The following HECW1 variants were observed in gnomAD, a reference collection of about 807,000 sequenced individuals.
HECW1 encodes the protein HECT, C2 and WW domain containing E3 ubiquitin protein ligase 1.
Under a neutral mutation model 182.3 loss-of-function variants are expected in HECW1, and 61 were observed. That is an observed-to-expected ratio of 0.33 (90% CI 0.27 to 0.41). The LOEUF (loss-of-function observed/expected upper bound fraction) is 0.41. Ranked by LOEUF, HECW1 falls within the 10% of genes least tolerant of loss-of-function variation. The probability of loss-of-function intolerance (pLI) is 1.00; values close to 1 mark genes in which losing one functional copy is unlikely to be tolerated. For missense variants in HECW1, 1,739 were observed against 2,108.9 expected (o/e 0.82, Z 3.44); for synonymous variants, 859 against 832.6 (o/e 1.03, Z -0.55).
In HECW1 at chr7:43,554,662, G is replaced by T. The variant is rs1243218355; in HGVS notation, c.4581G>T (p.Arg1527Ser). Residue 1527 changes from arginine to serine, a missense_variant, in exon 29 of 30, where the codon AGG becomes AGT. This residue lies in a region of HECW1 where 420 missense variants were observed against 595.7 expected (regional missense o/e 0.71). Transcript: ENST00000395891. ...AAVERFNNEQ[R>S]LRLLQFVTGT... ...TGGAGCGCTTCAATAATGAGCAGAG[G>T]CTGAGATTACTGCAGTTTGTCACGG... 1.2e-6 allele frequency: 2 copies of T among 1,613,994 alleles called. No homozygotes were observed. The highest frequency in any genetic ancestry group is 1.7e-5 in the Admixed American group (1 of 60,010).
At chr7:43,494,515 T>G (rs973925828) in intron 19 of HECW1, among the ~76,000 whole-genome samples, 8 of 151,998 alleles carry the variant, frequency 5.3e-5, no homozygotes, top group Admixed American at 2.0e-4. Context: ...GATTTTTTTT[T>G]TTTTTTGAGA....
rs1056572881 is a variant in HECW1, at chr7:43,565,276, CAT to C, written c.*3353_*3354del. ...TGGTGAAAAAATTAAGAAAAAGAGA[CAT>C]ATGATTTGGGGGAGCAGGCGTTAAA... On this transcript the variant is annotated 3_prime_UTR_variant, in exon 30 of 30. Coordinates refer to ENST00000395891, the MANE Select transcript of HECW1 (RefSeq NM_015052.5). 7.3e-5 allele frequency: 15 copies of C among 206,538 alleles called. No individual in the cohort carries two copies. Among genetic ancestry groups the C allele is most frequent in the Non-Finnish European group, 1.3e-4 (13 of 101,084 alleles). The allele number at this position is 206,538 out of a possible 1,614,324, so 12.8% of individuals were successfully genotyped here.
chr7:43,330,119 A>G (rs560779319), intron 5 of HECW1, among the ~76,000 whole-genome samples: 2 of 152,296 alleles, frequency 1.3e-5, no homozygotes, highest in African/African-American at 4.8e-5. Context: ...GGCGGGGTCC[A>G]TGTCGCCTCC....
intron 3 of HECW1, among the ~76,000 whole-genome samples, chr7:43,294,128 C>G (rs758537240): frequency 6.6e-6 from 1 of 152,230 alleles, no homozygotes; most frequent in Non-Finnish European, 1.5e-5. Flanking sequence ...GGGGCAAACT[C>G]TCATGTGCAT....
chr7:43,236,675 A>G (rs1374309175), intron 2 of HECW1, among the ~76,000 whole-genome samples: 1 of 152,146 alleles, frequency 6.6e-6, no homozygotes, highest in African/African-American at 2.4e-5. Context: ...ATTTTTACAT[A>G]AACAGTAGGG....
chr7:43,230,329 G>A (rs1368136141), intron 2 of HECW1, among the ~76,000 whole-genome samples: 2 of 152,322 alleles, frequency 1.3e-5, no homozygotes, highest in African/African-American at 4.8e-5. Flanking sequence ...TGGAGGCAGA[G>A]GTTGCAATGA....
chr7:43,365,200 C>T (rs776255804), intron 6 of HECW1, among the ~76,000 whole-genome samples: 1 of 152,242 alleles, frequency 6.6e-6, no homozygotes, highest in Admixed American at 6.5e-5. Flanking sequence ...GACTCTGATG[C>T]AGTCTGAAGC....
At chr7:43,254,427 G>T (rs965898067) in intron 3 of HECW1, among the ~76,000 whole-genome samples, 2 of 152,218 alleles carry the variant, frequency 1.3e-5, no homozygotes, top group African/African-American at 4.8e-5. Context: ...TTAATTTTAT[G>T]AAATAATGCC....
At chr7:43,292,628 G>A (rs1011517100) in intron 3 of HECW1, among the ~76,000 whole-genome samples, 1 of 152,220 alleles carries the variant, frequency 6.6e-6, no homozygotes, top group Non-Finnish European at 1.5e-5. Flanking sequence ...CAAGGTGTGA[G>A]GAGAGGAGGA....
chr7:43,145,914 G>C (rs576438716), intron 2 of HECW1, among the ~76,000 whole-genome samples: 1 of 152,162 alleles, frequency 6.6e-6, no homozygotes, highest in Non-Finnish European at 1.5e-5. Context: ...CTTGCTGAAC[G>C]GTGTTGGTTT....
Position 43,500,742 on chromosome 7 carries a change from G to C in HECW1, c.3481G>C (p.Glu1161Gln), listed in dbSNP as rs2079315606. 6.2e-7 allele frequency: 1 copy of C among 1,613,786 alleles called. No individual in the cohort carries two copies. The highest frequency in any genetic ancestry group is 1.3e-5 in the African/African-American group (1 of 74,912). ...YIRTEGNHGL[E>Q]KLSCDADLVI... ...TCGGACTGAGGGTAATCACGGGCTT[G>C]AGAAGTTGTCCTGTGATGCGGATCT... The change falls in exon 20 of 30, where the codon GAG becomes CAG. Residue 1161 changes from glutamate to glutamine, a missense_variant. Physicochemically the swap from Glu to Gln is conservative, Grantham distance 29. Around this residue, in one of 5 missense-constraint regions of HECW1, gnomAD observed 420 missense variants for 595.7 expected, o/e 0.71. Coordinates refer to ENST00000395891, the MANE Select transcript of HECW1 (RefSeq NM_015052.5).
At chr7:43,123,865 C>G (rs958665624) in intron 2 of HECW1, among the ~76,000 whole-genome samples, 1 of 152,190 alleles carries the variant, frequency 6.6e-6, no homozygotes, top group African/African-American at 2.4e-5. Context: ...GTGTCCTGCT[C>G]TCAGTTAAAC....
At chr7:43,425,605 A>C (rs1305667837) in intron 8 of HECW1, among the ~76,000 whole-genome samples, 2 of 152,186 alleles carry the variant, frequency 1.3e-5, no homozygotes, top group African/African-American at 4.8e-5. Flanking sequence ...AAATAAAAGA[A>C]GTTTATTCAG....
chr7:43,141,907 C>T (rs1241818817), intron 2 of HECW1, among the ~76,000 whole-genome samples: 3 of 152,214 alleles, frequency 2.0e-5, no homozygotes, highest in African/African-American at 7.2e-5. Flanking sequence ...ATGAGCCGGA[C>T]ACCTCAAGTC....
chr7:43,176,569 C>A (rs1164357556), intron 2 of HECW1, among the ~76,000 whole-genome samples: 1 of 152,184 alleles, frequency 6.6e-6, no homozygotes, highest in Admixed American at 6.5e-5. Context: ...CAGTGGGGGG[C>A]TCACAATAGA....
chr7:43,399,010 A>G (rs1018955692), intron 7 of HECW1, among the ~76,000 whole-genome samples: 1 of 152,250 alleles, frequency 6.6e-6, no homozygotes, highest in Non-Finnish European at 1.5e-5. Flanking sequence ...TATCTCAAGC[A>G]CTAATCTTAG....
Position 43,438,065 on chromosome 7 carries a change from C to A in HECW1, c.864C>A (p.Ala288=). 6.2e-7 allele frequency: 1 copy of A among 1,613,998 alleles called. No homozygotes were observed. The change falls in exon 9 of 30, where the codon GCC becomes GCA. Residue 288 remains alanine (A), a synonymous_variant. Transcript: ENST00000395891. ...AAATTGAGGTGAAGGACAAGTTTGC[C>A]AAGAGCCGCCCCATCATCAAGCGCT... ...VLEIEVKDKF[A]KSRPIIKRFL... is the part of the protein sequence containing the mutation.
intron 8 of HECW1, among the ~76,000 whole-genome samples, chr7:43,429,846 C>A (rs2076486689): frequency 6.6e-6 from 1 of 152,108 alleles, no homozygotes; most frequent in South Asian, 2.1e-4. Context: ...TTTTCATTTC[C>A]CCCCTTTATA....
chr7:43,133,373 A>T (rs1366851285), intron 2 of HECW1, among the ~76,000 whole-genome samples: 1 of 152,056 alleles, frequency 6.6e-6, no homozygotes, highest in African/African-American at 2.4e-5. Context: ...TGTGATTATT[A>T]TTCCCTGGAA....
Sources: gnomAD v4.1 joint callset for allele counts (sites outside exome capture counted in the v4.1 genomes callset) on GRCh38, gnomAD v4.1.1 for gene constraint, gnomAD v4.1.1 regional missense constraint, MANE v1.5 for transcripts, NCBI Gene and HGNC (gene_info 2026-07-23, HGNC 2026-07-21) for gene names.